The following COL12A1 variants were observed in gnomAD, a reference collection of about 807,000 sequenced individuals.
The protein encoded by COL12A1 is collagen type XII alpha 1 chain.
COL12A1 carries 114 observed loss-of-function variants against 349.7 expected under a neutral mutation model. The observed-to-expected ratio is 0.33, with a 90% confidence interval of 0.28 to 0.38. The LOEUF is 0.38. COL12A1 is among the 10% of genes least tolerant of loss of function. The pLI is 1.00. For synonymous variants in COL12A1, 1,369 were observed against 1,329.0 expected (o/e 1.03, Z -0.66); for missense variants, 3,284 against 3,756.9 (o/e 0.87, Z 3.29).
chr6:75,195,206 A>G (rs1770157507), intron 2 of COL12A1, among the ~76,000 whole-genome samples: 1 of 152,194 alleles, frequency 6.6e-6, no homozygotes, highest in African/African-American at 2.4e-5. Context: ...GGCCAGCAAA[A>G]TCAAGCATAA....
intron 39 of COL12A1, among the ~76,000 whole-genome samples, chr6:75,125,940 G>A (rs966223039): frequency 3.9e-5 from 6 of 152,034 alleles, no homozygotes; most frequent in African/African-American, 1.4e-4. Flanking sequence ...TTTTCAGAGG[G>A]GATTTGAAAG....
At chr6:75,100,360 G>A (rs536872698) in intron 58 of COL12A1, among the ~76,000 whole-genome samples, 1 of 152,286 alleles carries the variant, frequency 6.6e-6, no homozygotes, top group South Asian at 2.1e-4. Flanking sequence ...GGTCGTAGCA[G>A]CAGCAAGCAA....
intron 52 of COL12A1, among the ~76,000 whole-genome samples, chr6:75,107,933 A>C (rs1161135667): frequency 6.6e-6 from 1 of 152,194 alleles, no homozygotes; most frequent in Admixed American, 6.5e-5. Flanking sequence ...TGGAATAAAA[A>C]TTTTCCTTTT....
chr6:75,189,987 T>C (rs1321801653), intron 5 of COL12A1, among the ~76,000 whole-genome samples, 172 bp from the exon 6 acceptor site: 2 of 152,004 alleles, frequency 1.3e-5, no homozygotes, highest in Non-Finnish European at 2.9e-5. Flanking sequence ...TAACAACACA[T>C]AGAAGCATTT....
intron 2 of COL12A1, among the ~76,000 whole-genome samples, chr6:75,201,849 AGAG>A (rs1047873369): frequency 2.6e-5 from 4 of 152,032 alleles, no homozygotes; most frequent in African/African-American, 7.3e-5. Context: ...TCCATTTTCT[AGAG>A]GAGGGGCCAC....
intron 27 of COL12A1, among the ~76,000 whole-genome samples, chr6:75,140,513 G>C (rs112628915): frequency 6.6e-6 from 1 of 151,890 alleles, no homozygotes; most frequent in African/African-American, 2.4e-5. Flanking sequence ...AAAATTAGCC[G>C]GGCATTGTGG....
intron 25 of COL12A1, 32 bp downstream of exon 25, chr6:75,145,294 A>G: frequency 6.5e-7 from 1 of 1,542,456 alleles, no homozygotes; most frequent in Non-Finnish European, 8.8e-7. Context: ...TCACAGCAAT[A>G]AGAAGGGAAA....
rs768582387 is a variant in COL12A1 at position 75,090,162 on chromosome 6, C to T, written c.8889G>A (p.Gly2963=). 7.4e-6 allele frequency: 12 copies of T among 1,613,932 alleles called. No homozygotes were observed. Among genetic ancestry groups the T allele is most frequent in the Non-Finnish European group, 7.6e-6 (9 of 1,179,972 alleles). ...AGARGEPGPG[G]RPGFPGTPGM... ...CTGGTGTGCCCGGGAAGCCTGGCCG[C>T]CCCCCAGGCCCAGGTTCTCCTCTGG... is the stretch of plus-strand genomic sequence containing the variant. Residue 2963 remains glycine, a synonymous_variant, in exon 63 of 66, where the codon GGG becomes GGA. Transcript: ENST00000322507. The surrounding 1 kb of genome is among the most constrained non-coding windows in gnomAD (Gnocchi z 4.1).
Position 75,155,717 on chromosome 6 carries a change from G to A in COL12A1, c.3388C>T (p.Leu1130=). 6.2e-7 allele frequency: 1 copy of A among 1,612,772 alleles called. No homozygotes were observed. Among genetic ancestry groups the A allele is most frequent in the Non-Finnish European group, 8.5e-7 (1 of 1,179,432 alleles). The change falls in exon 16 of 66, where the codon CTG becomes TTG. Residue 1130 remains leucine (L), a synonymous_variant. Transcript: ENST00000322507. ...TAGGGTCCAACCACTAACTCCCCCA[G>A]TCTTCTGTCATCCCCCGTAGGGTGG... is the stretch of plus-strand genomic sequence containing the variant. The part of the protein sequence containing the change: ...TFHPTGDDRR[L]GELVVGPYDN...
chr6:75,125,341 A>G, intron 39 of COL12A1, 68 bp from the exon 40 acceptor site: 1 of 1,443,592 alleles, frequency 6.9e-7, no homozygotes. Flanking sequence ...CTTAAAATTA[A>G]AGATCTTATA....
Position 75,130,866 on chromosome 6 carries a change from G to T in COL12A1, c.6053C>A (p.Ala2018Asp). The change falls in exon 36 of 66, where the codon GCC becomes GAC. Residue 2018 changes from alanine (A) to aspartate (D), a missense_variant. By Grantham distance (126) the Ala-to-Asp change is moderately radical. This residue lies in a region of COL12A1 where 2,601 missense variants were observed against 2,824.8 expected (regional missense o/e 0.92). Coordinates refer to ENST00000322507, the MANE Select transcript of COL12A1 (RefSeq NM_004370.6). Reference sequence around the variant, plus strand: ...TTCTGCCTCACGCGTTCGGCCCTGGGCAGGGCTGGGATTTCCCTCTCCATC... The same window carrying T: ...TTCTGCCTCACGCGTTCGGCCCTGGTCAGGGCTGGGATTTCCCTCTCCATC... ...YSDGEGNPSP[A>D]QGRTLPRSGP... 1.2e-6 allele frequency: 2 copies of T among 1,614,018 alleles called. No homozygotes were observed. The highest frequency in any genetic ancestry group is 1.7e-6 in the Non-Finnish European group (2 of 1,179,954).
rs779848906 is a variant in COL12A1, at chr6:75,165,692, C to T, written c.2798G>A (p.Arg933His). 23 of 1,613,858 alleles carry T rather than the reference C, an allele frequency of 1.4e-5. No individual in the cohort carries two copies. The highest frequency in any genetic ancestry group is 1.2e-4 in the South Asian group (11 of 91,082). The part of the protein sequence containing the change: ...AYWTSAPGMV[R>H]GYRVSWKSLY... ...TGATTTCCATGAGACCCTGTAACCG[C>T]GAACCATTCCTGGAGCAGATGTCCA... Residue 933 changes from arginine to histidine, a missense_variant, in exon 14 of 66, where the codon CGC becomes CAC. Transcript: ENST00000322507.
chr6:75,085,073 T>C lies in COL12A1; in HGVS notation c.*1474A>G, dbSNP rs1767413642. The C allele has an allele frequency of 2.8e-6, 1 of 352,650 alleles. No individual in the cohort carries two copies. Among genetic ancestry groups the C allele is most frequent in the African/African-American group, 2.1e-5 (1 of 46,816 alleles). 21.8% of individuals were successfully genotyped at this position (352,650 alleles called of 1,614,324 possible). A position where few individuals can be genotyped will look rare whatever the true frequency, so the allele number is the denominator to read the frequency against. On this transcript the variant is annotated 3_prime_UTR_variant, in exon 66 of 66. Coordinates refer to ENST00000322507, the MANE Select transcript of COL12A1 (RefSeq NM_004370.6). ...TCTCTACAATCAGAAAGGGTACTCC[T>C]GGATGAGCAACGCTGGAAGAAACAC...
At chr6:75,129,966 G>A in intron 37 of COL12A1, 125 bp downstream of exon 37, 1 of 1,154,846 alleles carries the variant, frequency 8.7e-7, no homozygotes, top group Middle Eastern at 2.9e-4. Flanking sequence ...TCATGTCAGA[G>A]AAAATCCTAA....
chr6:75,146,862 C>A (rs1161871756), intron 23 of COL12A1, among the ~76,000 whole-genome samples: 1 of 152,116 alleles, frequency 6.6e-6, no homozygotes, highest in Non-Finnish European at 1.5e-5. Flanking sequence ...TTCTCACCTC[C>A]TATAGTCTAA....
chr6:75,097,719 C>T (rs2149337998), intron 58 of COL12A1, among the ~76,000 whole-genome samples: 1 of 152,232 alleles, frequency 6.6e-6, no homozygotes. Flanking sequence ...AGGAAGGATG[C>T]AGGTGAGAGG....
chr6:75,155,767 T>G lies in COL12A1; in HGVS notation c.3338A>C (p.Glu1113Ala). 6.2e-7 allele frequency: 1 copy of G among 1,613,672 alleles called. No individual in the cohort carries two copies. Among genetic ancestry groups the G allele is most frequent in the African/African-American group, 1.3e-5 (1 of 74,994 alleles). ...GAATGTGACTTTATAACCCTTCACT[T>G]CCCCAGGGGCAGGCTCCCAAGTCAC... is the stretch of plus-strand genomic sequence containing the variant. ...FRVTWEPAPG[E>A]VKGYKVTFHP... The change falls in exon 16 of 66, where the codon GAA becomes GCA. Residue 1113 changes from glutamate to alanine, a missense_variant. Glu to Ala is a moderately radical substitution (Grantham distance 107). This residue lies in a region of COL12A1 where 2,601 missense variants were observed against 2,824.8 expected (regional missense o/e 0.92). Coordinates refer to ENST00000322507, the MANE Select transcript of COL12A1 (RefSeq NM_004370.6).
At chr6:75,135,205 A>G (rs1766529206) in intron 31 of COL12A1, among the ~76,000 whole-genome samples, 2 of 152,174 alleles carry the variant, frequency 1.3e-5, no homozygotes, top group Non-Finnish European at 2.9e-5. Context: ...GGACTTTAAG[A>G]TATGAAACAA....
chr6:75,160,825 A>G (rs144693789), intron 14 of COL12A1, among the ~76,000 whole-genome samples: 116 of 152,356 alleles, frequency 7.6e-4, no homozygotes, highest in African/African-American at 2.7e-3. Flanking sequence ...TCCAGAGGTT[A>G]ATTGATATAA....
Sources: gnomAD v4.1 joint callset for allele counts (sites outside exome capture counted in the v4.1 genomes callset) on GRCh38, gnomAD v4.1.1 for gene constraint, gnomAD v4.1.1 regional missense constraint, Gnocchi (gnomAD v3.1) non-coding constraint, MANE v1.5 for transcripts, NCBI Gene and HGNC (gene_info 2026-07-23, HGNC 2026-07-21) for gene names.